Variants in UNK observed in about 807,000 individuals in gnomAD.
UNK encodes RING finger protein unkempt homolog.
Under a neutral mutation model 97.6 loss-of-function variants are expected in UNK, and 32 were observed. That is an observed-to-expected ratio of 0.33 (90% CI 0.25 to 0.44). The LOEUF is 0.44. UNK is among the 20% of genes least tolerant of loss of function. The pLI is 1.00. For synonymous variants in UNK, 441 were observed against 461.2 expected (o/e 0.96, Z 0.56); for missense variants, 771 against 1,098.4 (o/e 0.70, Z 4.21).
intron 15 of UNK, among the ~76,000 whole-genome samples, 179 bp downstream of exon 15, chr17:75,823,701 A>C (rs1048717996): frequency 4.6e-5 from 7 of 152,170 alleles, no homozygotes; most frequent in African/African-American, 1.7e-4. Context: ...GCACTGGGGA[A>C]GGTGAAAAGG....
intron 1 of UNK, among the ~76,000 whole-genome samples, chr17:75,803,595 G>T (rs1456059987): frequency 5.3e-5 from 8 of 152,158 alleles, no homozygotes; most frequent in African/African-American, 1.4e-4. Flanking sequence ...TTTATTCATT[G>T]TGTTATTCAT....
chr17:75,801,323 TTTG>T (rs1484406857), intron 1 of UNK, among the ~76,000 whole-genome samples: 4 of 152,136 alleles, frequency 2.6e-5, no homozygotes, highest in South Asian at 2.1e-4. Context: ...ATGTGGATTA[TTTG>T]TTAACACATT....
At chr17:75,802,603 A>G (rs954790068) in intron 1 of UNK, among the ~76,000 whole-genome samples, 1 of 151,934 alleles carries the variant, frequency 6.6e-6, no homozygotes, top group Non-Finnish European at 1.5e-5. Flanking sequence ...TTAAAACTAC[A>G]TTTTTGTAGT....
Position 75,816,653 on chromosome 17 carries a change from G to A in UNK, c.962-117G>A. 7.7e-7 allele frequency: 1 copy of A among 1,307,124 alleles called. No homozygotes were observed. 81.0% of individuals were successfully genotyped at this position (1,307,124 alleles called of 1,614,324 possible). ...ACATGGTGTTACTAGAGATGTCGTAGGAACCTTCCCTTTATGTGCAGGGGG... is the reference window on the plus strand; with the variant it reads ...ACATGGTGTTACTAGAGATGTCGTAAGAACCTTCCCTTTATGTGCAGGGGG... On this transcript the variant is annotated intron_variant, in intron 7 of 15. Transcript: ENST00000589666. The surrounding 1 kb of genome is among the most constrained non-coding windows in gnomAD (Gnocchi z 4.0).
At chr17:75,789,951 G>A (rs536130841) in intron 1 of UNK, among the ~76,000 whole-genome samples, 9 of 151,254 alleles carry the variant, frequency 6.0e-5, no homozygotes, top group Non-Finnish European at 1.2e-4. Context: ...GACCAGCCTG[G>A]CCAACGTGGT....
Position 75,824,380 on chromosome 17 carries a change from T to C in UNK, c.2396T>C (p.Ile799Thr), listed in dbSNP as rs1174009134. Residue 799 changes from isoleucine to threonine, a missense_variant, in exon 16 of 16, where the codon ATC becomes ACC. Transcript: ENST00000589666. This position sits in a 1 kb window ranked among gnomAD's most constrained non-coding sequence, Gnocchi z 4.9. ...TGCGCTGAGGGCAGCGAGTGCCCCA[T>C]CTGCCAGCCTGGCCGGGCCCACACC... is the stretch of plus-strand genomic sequence containing the variant. Reference protein sequence around the residue: ...ELCAEGSECPICQPGRAHTLQ... With the variant: ...ELCAEGSECPTCQPGRAHTLQ... 1 of 1,569,404 alleles carries C rather than the reference T, an allele frequency of 6.4e-7. No individual in the cohort carries two copies.
At position 75,819,504 on chromosome 17, in the gene UNK, C is replaced by T. The variant is rs1164139645; in HGVS notation, c.1547-180C>T. On this transcript the variant is annotated intron_variant, in intron 11 of 15. Transcript: ENST00000589666. This position sits in a 1 kb window ranked among gnomAD's most constrained non-coding sequence, Gnocchi z 5.4. ...ATTTGGGTTGGACATGACTGGCAGACGGTGTCAGAAGTCAGGAGTCAGGAT... is the reference window on the plus strand; with the variant it reads ...ATTTGGGTTGGACATGACTGGCAGATGGTGTCAGAAGTCAGGAGTCAGGAT... 25 of 607,704 alleles carry T rather than the reference C, an allele frequency of 4.1e-5. No individual in the cohort carries two copies. The highest frequency in any genetic ancestry group is 8.6e-5 in the Admixed American group (3 of 35,068). 37.6% of individuals were successfully genotyped at this position (607,704 alleles called of 1,614,324 possible).
At chr17:75,795,711 C>T (rs1335861380) in intron 1 of UNK, among the ~76,000 whole-genome samples, 2 of 152,076 alleles carry the variant, frequency 1.3e-5, no homozygotes, top group South Asian at 2.1e-4. Flanking sequence ...GTAGTACTCT[C>T]GAATATTCTC....
chr17:75,802,242 C>CTTTTATTTTTTTT (rs2061867165), intron 1 of UNK, among the ~76,000 whole-genome samples: 1 of 47,220 alleles, frequency 2.1e-5, no homozygotes. Context: ...GCACAGATGT[C>CTTTTATTTTTTTT]TTTTTTTTTT....
chr17:75,807,554 C>G (rs1187706091), intron 1 of UNK, among the ~76,000 whole-genome samples: 1 of 152,224 alleles, frequency 6.6e-6, no homozygotes, highest in Non-Finnish European at 1.5e-5. Flanking sequence ...CTCCTGGGTT[C>G]AGGTACTTCT....
At chr17:75,821,691 G>A (rs780272062) in intron 13 of UNK, 17 of 456,590 alleles carry the variant, frequency 3.7e-5, no homozygotes, top group Non-Finnish European at 6.2e-5. Context: ...TCACCAGAAA[G>A]TACATATGGG....
intron 1 of UNK, among the ~76,000 whole-genome samples, chr17:75,808,670 C>T (rs1416440199): frequency 6.6e-6 from 1 of 152,132 alleles, no homozygotes; most frequent in Non-Finnish European, 1.5e-5. Flanking sequence ...TTTCTGCAGT[C>T]TCCAAGCCTC....
At position 75,825,368 on chromosome 17, in the gene UNK, C is replaced by CGGACTGA. The variant is rs1182172031; in HGVS notation, c.*963_*969dup. 6.6e-6 allele frequency: 1 copy of CGGACTGA among 152,472 alleles called. No individual in the cohort carries two copies. Among genetic ancestry groups the CGGACTGA allele is most frequent in the Admixed American group, 6.5e-5 (1 of 15,276 alleles). The allele number at this position is 152,472 out of a possible 1,614,324, so 9.4% of individuals were successfully genotyped here. A position where few individuals can be genotyped will look rare whatever the true frequency, so the allele number is the denominator to read the frequency against. On this transcript the variant is annotated 3_prime_UTR_variant, in exon 16 of 16. Transcript: ENST00000589666. This position sits in a 1 kb window ranked among gnomAD's most constrained non-coding sequence, Gnocchi z 4.4. The stretch of plus-strand genomic sequence containing the variant: ...GCAGGGCAATTGGCGGGGAGGAGTG[C>CGGACTGA]GGACTGAGGACTGAGGACCAAGGGG...
chr17:75,787,823 C>CAA (rs534233194), intron 1 of UNK, among the ~76,000 whole-genome samples: 4 of 111,690 alleles, frequency 3.6e-5, no homozygotes, highest in Non-Finnish European at 3.8e-5. Context: ...AGACTCGGTC[C>CAA]AAAAAAAAAA....
intron 13 of UNK, among the ~76,000 whole-genome samples, chr17:75,822,202 A>G (rs2062075282): frequency 6.6e-6 from 1 of 152,226 alleles, no homozygotes; most frequent in Admixed American, 6.5e-5. Context: ...CGGTGAGGCC[A>G]GTGTGGGAGT....
chr17:75,824,271 C>T lies in UNK; in HGVS notation c.2287C>T (p.His763Tyr). 1 of 1,598,750 alleles carries T rather than the reference C, an allele frequency of 6.3e-7. No individual in the cohort carries two copies. Among genetic ancestry groups the T allele is most frequent in the Non-Finnish European group, 8.5e-7 (1 of 1,172,856 alleles). The change falls in exon 16 of 16, where the codon CAC becomes TAC. Residue 763 changes from histidine to tyrosine, a missense_variant. Transcript: ENST00000589666. This position sits in a 1 kb window ranked among gnomAD's most constrained non-coding sequence, Gnocchi z 4.9. ...HLEQVDKAVF[H>Y]MQSVKCLKCQ... Reference sequence around the variant, plus strand: ...GCCCCTTTCCCTGCAGGCCGTGTTCCACATGCAGTCGGTGAAATGCCTTAA... The same window carrying T: ...GCCCCTTTCCCTGCAGGCCGTGTTCTACATGCAGTCGGTGAAATGCCTTAA...
Position 75,792,318 on chromosome 17 carries a change from G to C in UNK, c.104+7334G>C, listed in dbSNP as rs1870319. ...TTTTGTTTTTTTTAATCCAGCTATGGTTGATACTAAAGGAGGTTTTCCCAC... is the reference window on the plus strand; with the variant it reads ...TTTTGTTTTTTTTAATCCAGCTATGCTTGATACTAAAGGAGGTTTTCCCAC... On this transcript the variant is annotated intron_variant, in intron 1 of 15. Transcript: ENST00000589666. 11 of 985,110 alleles carry C rather than the reference G, an allele frequency of 1.1e-5. No homozygotes were observed. The Admixed American group carries it at 6.8e-4, about 61-fold the overall frequency. The allele number at this position is 985,110 out of a possible 1,614,324, so 61.0% of individuals were successfully genotyped here. A position where few individuals can be genotyped will look rare whatever the true frequency, so the allele number is the denominator to read the frequency against.
At chr17:75,801,972 C>T (rs2061863902) in intron 1 of UNK, among the ~76,000 whole-genome samples, 1 of 151,854 alleles carries the variant, frequency 6.6e-6, no homozygotes, top group Non-Finnish European at 1.5e-5. Context: ...CTCAGCCACC[C>T]AAGTAGTTGG....
intron 1 of UNK, chr17:75,792,442 GGTCACACTAATT>G (rs1288056669): frequency 1.0e-6 from 1 of 985,142 alleles, no homozygotes; most frequent in Non-Finnish European, 1.2e-6. Flanking sequence ...GATGAATTTG[GGTCACACTAATT>G]GTTATGTGAA....
Sources: allele counts gnomAD v4.1 joint callset (sites outside exome capture counted in the v4.1 genomes callset), GRCh38; gene constraint gnomAD v4.1.1; non-coding constraint Gnocchi (gnomAD v3.1); transcripts MANE v1.5; gene names NCBI Gene and HGNC (gene_info 2026-07-23, HGNC 2026-07-21).